ZC3H12C: variants seen among roughly 807,000 people sequenced by gnomAD.
The protein encoded by ZC3H12C is zinc finger CCCH-type containing 12C.
ZC3H12C carries 20 observed loss-of-function variants against 76.3 expected under a neutral mutation model. That is an observed-to-expected ratio of 0.26 (90% CI 0.18 to 0.38). ZC3H12C has a LOEUF of 0.38. Ranked by LOEUF, ZC3H12C falls within the 10% of genes least tolerant of loss-of-function variation. ZC3H12C has a pLI of 1.00. For synonymous variants in ZC3H12C, 352 were observed against 399.6 expected (o/e 0.88, Z 1.42); for missense variants, 874 against 1,086.5 (o/e 0.80, Z 2.75).
chr11:110,119,000 C>G (rs1482136553), intron 1 of ZC3H12C, among the ~76,000 whole-genome samples: 1 of 152,092 alleles, frequency 6.6e-6, no homozygotes, highest in Non-Finnish European at 1.5e-5. Context: ...TTGGTTAAAA[C>G]TTGTCAAAGC....
At chr11:110,099,777 A>G (rs1296954207) in intron 1 of ZC3H12C, among the ~76,000 whole-genome samples, 2 of 151,088 alleles carry the variant, frequency 1.3e-5, no homozygotes. Flanking sequence ...GTGCCACTGC[A>G]CTCCAGCCTG....
At chr11:110,111,411 T>G (rs549083735) in intron 1 of ZC3H12C, among the ~76,000 whole-genome samples, 35 of 98,254 alleles carry the variant, frequency 3.6e-4, no homozygotes, top group African/African-American at 1.4e-3. Context: ...TTACTCAACT[T>G]TTTTTGTTAT....
chr11:110,169,476 C>G lies in ZC3H12C; in HGVS notation c.*3739C>G, dbSNP rs192692456. On this transcript the variant is annotated 3_prime_UTR_variant, in exon 6 of 6. Transcript: ENST00000278590. ...ATTATTCTTTTTGCTCTCCAACTTC[C>G]TTATTCAAGATAAAATAAGACATAC... is the stretch of plus-strand genomic sequence containing the variant. The G allele has an allele frequency of 2.5e-4, 38 of 151,706 alleles. No homozygotes were observed. The highest frequency in any genetic ancestry group is 8.0e-4 in the African/African-American group (33 of 41,370). 9.4% of individuals were successfully genotyped at this position (151,706 alleles called of 1,614,324 possible). A position where few individuals can be genotyped will look rare whatever the true frequency, so the allele number is the denominator to read the frequency against.
intron 2 of ZC3H12C, among the ~76,000 whole-genome samples, chr11:110,142,594 T>G (rs1368067880): frequency 1.3e-5 from 2 of 152,198 alleles, no homozygotes; most frequent in Non-Finnish European, 2.9e-5. Context: ...GCCCTTTCAA[T>G]TCTCAAAGCT....
At position 110,161,070 on chromosome 11, in the gene ZC3H12C, C is replaced by T. The variant is rs142986654; in HGVS notation, c.1148+1580C>T. Among the ~76,000 whole-genome samples the T allele has an allele frequency of 6.2e-3, 951 of 152,196 alleles. 13 individuals are homozygous for T. Among genetic ancestry groups the T allele is most frequent in the African/African-American group, 0.022 (904 of 41,520 alleles). The stretch of plus-strand genomic sequence containing the variant: ...TGTTGGCCAGGCTGGTCTCGAACTC[C>T]TGACCTCAAGTGGTCTGTCTGCCTT... On this transcript the variant is annotated intron_variant, in intron 4 of 5. Coordinates refer to ENST00000278590, the MANE Select transcript of ZC3H12C (RefSeq NM_033390.2).
chr11:110,150,742 C>A (rs1383618217), intron 2 of ZC3H12C, among the ~76,000 whole-genome samples: 2 of 151,982 alleles, frequency 1.3e-5, no homozygotes, highest in African/African-American at 4.8e-5. Flanking sequence ...CTTCTTCTGT[C>A]AATTAGTATG....
chr11:110,144,457 GA>G (rs1227695326), intron 2 of ZC3H12C, among the ~76,000 whole-genome samples: 1 of 152,058 alleles, frequency 6.6e-6, no homozygotes, highest in East Asian at 1.9e-4. Flanking sequence ...AAGTGGTAAA[GA>G]AAAAATTTAA....
At chr11:110,115,893 T>C (rs557664469) in intron 1 of ZC3H12C, among the ~76,000 whole-genome samples, 8 of 152,038 alleles carry the variant, frequency 5.3e-5, no homozygotes, top group Admixed American at 3.3e-4. Context: ...CACAAGTAGC[T>C]AGGATTACAG....
At position 110,153,350 on chromosome 11, in the gene ZC3H12C, G is replaced by A. The variant is rs1345463146; in HGVS notation, c.913+292G>A. 2.6e-5 allele frequency among the ~76,000 whole-genome samples: 4 copies of A among 152,084 alleles called. No homozygotes were observed. The East Asian group carries it at 7.7e-4, about 29-fold the overall frequency. ...TTACAGGCGTGTGCCACCACACGCA[G>A]CTTATTTTTGTATTTTTAGTAGAGA... On this transcript the variant is annotated intron_variant, in intron 3 of 5. Coordinates refer to ENST00000278590, the MANE Select transcript of ZC3H12C (RefSeq NM_033390.2).
intron 1 of ZC3H12C, among the ~76,000 whole-genome samples, chr11:110,121,855 T>G (rs1861656205): frequency 6.6e-6 from 1 of 152,192 alleles, no homozygotes; most frequent in South Asian, 2.1e-4. Flanking sequence ...TTTGGATTAT[T>G]TCCCATATAC....
intron 2 of ZC3H12C, among the ~76,000 whole-genome samples, chr11:110,141,194 A>G (rs567255263): frequency 6.6e-6 from 1 of 152,348 alleles, no homozygotes; most frequent in African/African-American, 2.4e-5. Context: ...TCACTGAAGT[A>G]ATTTTCTTAA....
intron 1 of ZC3H12C, among the ~76,000 whole-genome samples, chr11:110,125,305 GT>G (rs1861721516): frequency 7.2e-6 from 1 of 138,618 alleles, no homozygotes; most frequent in Non-Finnish European, 1.5e-5. Context: ...GTGTGTGTGT[GT>G]GTGTGTGTGT....
intron 1 of ZC3H12C, among the ~76,000 whole-genome samples, chr11:110,112,378 A>G (rs985564472): frequency 1.3e-5 from 2 of 152,018 alleles, no homozygotes; most frequent in Non-Finnish European, 2.9e-5. Context: ...TTTTGTAGAG[A>G]TGGGATTTTG....
intron 1 of ZC3H12C, among the ~76,000 whole-genome samples, chr11:110,100,292 C>T (rs1160011533): frequency 4.6e-5 from 7 of 151,402 alleles, no homozygotes; most frequent in Non-Finnish European, 1.0e-4. Flanking sequence ...TGATCACCCG[C>T]CTCCACTTCC....
rs1234671356 is a variant in ZC3H12C, at chr11:110,169,342, GTGTGT to G, written c.*3606_*3610del. The G allele has an allele frequency of 5.2e-5, 1 of 19,264 alleles. No homozygotes were observed. Among genetic ancestry groups the G allele is most frequent in the Non-Finnish European group, 1.1e-4 (1 of 9,276 alleles). 1.2% of individuals were successfully genotyped at this position (19,264 alleles called of 1,614,324 possible). ...GACAGGTGGGAGGATGGCTCTGGGTGTGTGTGTGTGTGTGTGTGTGTGTGTGTGTG... is the reference window on the plus strand; with the variant it reads ...GACAGGTGGGAGGATGGCTCTGGGTGGTGTGTGTGTGTGTGTGTGTGTGTG... On this transcript the variant is annotated 3_prime_UTR_variant, in exon 6 of 6. Transcript: ENST00000278590.
intron 1 of ZC3H12C, among the ~76,000 whole-genome samples, chr11:110,095,647 G>T (rs1015892611): frequency 6.6e-6 from 1 of 152,156 alleles, no homozygotes; most frequent in African/African-American, 2.4e-5. Context: ...GATTATGAAC[G>T]AACATAATGC....
chr11:110,094,348 C>T (rs1861075007), intron 1 of ZC3H12C, among the ~76,000 whole-genome samples: 1 of 152,136 alleles, frequency 6.6e-6, no homozygotes, highest in South Asian at 2.1e-4. Flanking sequence ...TTTTTTTAAA[C>T]CATTTTAGAA....
intron 1 of ZC3H12C, among the ~76,000 whole-genome samples, chr11:110,105,426 T>C (rs1861304776): frequency 6.6e-6 from 1 of 152,196 alleles, no homozygotes; most frequent in Admixed American, 6.5e-5. Flanking sequence ...AAAATGGGCA[T>C]AAAGTATGTT....
rs1452806819 is a variant in ZC3H12C at position 110,168,153 on chromosome 11, GCTGA to G, written c.*2419_*2422del. On this transcript the variant is annotated 3_prime_UTR_variant, in exon 6 of 6. Coordinates refer to ENST00000278590, the MANE Select transcript of ZC3H12C (RefSeq NM_033390.2). ...TGAATTTGACCTTCTTGTGTTATTA[GCTGA>G]CTATTTGTCATTGCCTCATGGATTT... The G allele has an allele frequency of 2.0e-5, 3 of 152,092 alleles. No homozygotes were observed. Among genetic ancestry groups the G allele is most frequent in the Admixed American group, 6.6e-5 (1 of 15,256 alleles). 9.4% of individuals were successfully genotyped at this position (152,092 alleles called of 1,614,324 possible).
Sources: allele counts gnomAD v4.1 joint callset (sites outside exome capture counted in the v4.1 genomes callset), GRCh38; gene constraint gnomAD v4.1.1; transcripts MANE v1.5; gene names NCBI Gene and HGNC (gene_info 2026-07-23, HGNC 2026-07-21).